WASF2: variants seen among roughly 807,000 people sequenced by gnomAD.
WASF2 encodes actin-binding protein WASF2.
A neutral mutation model predicts 45.0 loss-of-function variants in WASF2; 14 were observed. That is an observed-to-expected ratio of 0.31 (90% CI 0.21 to 0.49). WASF2 has a LOEUF of 0.49. Ranked by LOEUF, WASF2 falls within the 20% of genes least tolerant of loss-of-function variation. The pLI is 0.99. For missense variants in WASF2, 439 were observed against 636.1 expected (o/e 0.69, Z 3.33); for synonymous variants, 200 against 236.3 (o/e 0.85, Z 1.41).
chr1:27,424,167 T>C (rs1349554430), intron 2 of WASF2, among the ~76,000 whole-genome samples: 4 of 152,194 alleles, frequency 2.6e-5, no homozygotes, highest in African/African-American at 9.7e-5. Context: ...CACTACTAAA[T>C]TGAGAAGTTC....
At chr1:27,477,116 G>A (rs2017776234) in intron 1 of WASF2, among the ~76,000 whole-genome samples, 2 of 152,102 alleles carry the variant, frequency 1.3e-5, no homozygotes, top group Non-Finnish European at 2.9e-5. Context: ...AAGTGTACCT[G>A]TACCTAGAAT....
At chr1:27,482,965 C>T (rs2017872751) in intron 1 of WASF2, among the ~76,000 whole-genome samples, 1 of 152,092 alleles carries the variant, frequency 6.6e-6, no homozygotes, top group African/African-American at 2.4e-5. Flanking sequence ...CTATTGGCAA[C>T]CAGGGATGCT....
rs1356259095 is a variant in WASF2 at position 27,428,771 on chromosome 1, C to T, written c.120G>A (p.Leu40=). Residue 40 remains leucine (L), a synonymous_variant, in exon 2 of 9, where the codon CTG becomes CTA. Transcript: ENST00000618852. ...NITLANVIRQ[L]GSLSKYAEDI... ...CTCTGAGGCACTCACTCAGGCTGCC[C>T]AGCTGTCGGATGACATTTGCCAGGG... The T allele has an allele frequency of 3.1e-6, 5 of 1,614,040 alleles. No homozygotes were observed. The Admixed American group carries it at 6.7e-5, about 22-fold the overall frequency.
At chr1:27,463,208 G>A (rs1238862162) in intron 1 of WASF2, among the ~76,000 whole-genome samples, 1 of 152,098 alleles carries the variant, frequency 6.6e-6, no homozygotes, top group Non-Finnish European at 1.5e-5. Flanking sequence ...GCTTTTTGAA[G>A]GTATTTTAAT....
rs79946747 is a variant in WASF2 at position 27,456,735 on chromosome 1, T to C, written c.-43-27802A>G. ...TATTTAATAGTTAAAGGTTTTCTCT[T>C]TTTTTTTTTTTTTTTTGGAGACAGA... On this transcript the variant is annotated intron_variant, in intron 1 of 8. Coordinates refer to ENST00000618852, the MANE Select transcript of WASF2 (RefSeq NM_006990.5). Among the ~76,000 whole-genome samples, 27 of 145,680 alleles carry C rather than the reference T, an allele frequency of 1.9e-4. No individual in the cohort carries two copies. In the East Asian group the frequency reaches 2.4e-3, roughly 13 times the overall value.
At chr1:27,480,573 C>T (rs778995209) in intron 1 of WASF2, among the ~76,000 whole-genome samples, 7 of 151,682 alleles carry the variant, frequency 4.6e-5, no homozygotes, top group Non-Finnish European at 1.0e-4. Context: ...AAACTGAGTA[C>T]TTGCTAGAAC....
intron 1 of WASF2, among the ~76,000 whole-genome samples, chr1:27,447,661 C>CA (rs2017328611): frequency 1.3e-5 from 2 of 152,184 alleles, no homozygotes; most frequent in African/African-American, 2.4e-5. Flanking sequence ...TCCGAACAGT[C>CA]ACGAAAGTTT....
At chr1:27,449,196 G>GT (rs1203842657) in intron 1 of WASF2, among the ~76,000 whole-genome samples, 1 of 152,158 alleles carries the variant, frequency 6.6e-6, no homozygotes, top group South Asian at 2.1e-4. Context: ...AAAATGAGCG[G>GT]TTTTTTCACT....
intron 1 of WASF2, among the ~76,000 whole-genome samples, chr1:27,460,632 C>T (rs563809923): frequency 3.3e-5 from 5 of 152,280 alleles, no homozygotes; most frequent in Admixed American, 3.3e-4. Flanking sequence ...TCACCCTATC[C>T]TTGAAGAACC....
intron 1 of WASF2, among the ~76,000 whole-genome samples, chr1:27,453,628 C>G (rs530985219): frequency 1.4e-5 from 2 of 145,530 alleles, no homozygotes; most frequent in East Asian, 4.1e-4. Flanking sequence ...CGCGGTGGCT[C>G]ACGCCTGTAA....
At chr1:27,443,184 A>T (rs888958945) in intron 1 of WASF2, among the ~76,000 whole-genome samples, 8 of 150,990 alleles carry the variant, frequency 5.3e-5, no homozygotes, top group African/African-American at 9.8e-5. Flanking sequence ...AATAAATAAA[A>T]AATTAGCCAA....
chr1:27,418,819 G>C, intron 3 of WASF2, 135 bp downstream of exon 3: 1 of 1,128,556 alleles, frequency 8.9e-7, no homozygotes, highest in Non-Finnish European at 1.2e-6. Flanking sequence ...TCAGGCTTGT[G>C]TGATTTCAAA....
At chr1:27,462,829 T>C (rs559258344) in intron 1 of WASF2, among the ~76,000 whole-genome samples, 1 of 152,294 alleles carries the variant, frequency 6.6e-6, no homozygotes, top group East Asian at 1.9e-4. Flanking sequence ...TGCTTTTATT[T>C]TTATTATTTT....
At chr1:27,479,014 T>C (rs923980349) in intron 1 of WASF2, among the ~76,000 whole-genome samples, 7 of 151,950 alleles carry the variant, frequency 4.6e-5, no homozygotes, top group African/African-American at 1.7e-4. Context: ...GGGCCGGGTG[T>C]GGTGGCTCAC....
At chr1:27,439,821 A>G (rs1175030055) in intron 1 of WASF2, among the ~76,000 whole-genome samples, 1 of 151,894 alleles carries the variant, frequency 6.6e-6, no homozygotes, top group Non-Finnish European at 1.5e-5. Flanking sequence ...CAACATGGTG[A>G]GACCTTGTCT....
chr1:27,486,163 T>C (rs1325172767), intron 1 of WASF2, among the ~76,000 whole-genome samples: 2 of 150,036 alleles, frequency 1.3e-5, no homozygotes, highest in Non-Finnish European at 2.9e-5. Context: ...TTTATCCCAG[T>C]TAGTATGAAC....
In WASF2 at chr1:27,406,028, G is replaced by C. The variant is rs568690565; in HGVS notation, c.*2161C>G. ...GAGTGGCTCTAGCTCTCCCTTTTCC[G>C]GGCAAGGAGGATGGGGGTAATTTAG... On this transcript the variant is annotated 3_prime_UTR_variant, in exon 9 of 9. Transcript: ENST00000618852. 2 of 152,608 alleles carry C rather than the reference G, an allele frequency of 1.3e-5. No homozygotes were observed. The highest frequency in any genetic ancestry group is 2.9e-5 in the Non-Finnish European group (2 of 68,142). The allele number at this position is 152,608 out of a possible 1,614,324, so 9.5% of individuals were successfully genotyped here.
intron 1 of WASF2, chr1:27,459,716 T>C (rs1476779314): frequency 1.3e-5 from 2 of 152,222 alleles, no homozygotes; most frequent in African/African-American, 4.8e-5. Context: ...CCAAACTTTA[T>C]ACCACAGTAG....
rs2017422594 is a variant in WASF2, at chr1:27,454,053, T to C, written c.-43-25120A>G. On this transcript the variant is annotated intron_variant, in intron 1 of 8. Transcript: ENST00000618852. ...CACATTTCTATCTCTAAATGTTATATTGTTTAGTGTCACATTCTAGAACTT... is the reference window on the plus strand; with the variant it reads ...CACATTTCTATCTCTAAATGTTATACTGTTTAGTGTCACATTCTAGAACTT... Among the ~76,000 whole-genome samples, 3 of 150,850 alleles carry C rather than the reference T, an allele frequency of 2.0e-5. No individual in the cohort carries two copies. In the South Asian group the frequency reaches 6.2e-4, roughly 31 times the overall value.
Sources: gnomAD v4.1 joint callset for allele counts (sites outside exome capture counted in the v4.1 genomes callset) on GRCh38, gnomAD v4.1.1 for gene constraint, MANE v1.5 for transcripts, NCBI Gene and HGNC (gene_info 2026-07-23, HGNC 2026-07-21) for gene names.